SDC1: variants seen among roughly 807,000 people sequenced by gnomAD.
The protein encoded by SDC1 is syndecan-1.
Under a neutral mutation model 29.7 loss-of-function variants are expected in SDC1, and 14 were observed. The ratio of observed to expected loss-of-function variants is 0.47; its 90% CI spans 0.31 to 0.74. The LOEUF is 0.74. SDC1 is among the 30% of genes least tolerant of loss of function. SDC1 has a pLI of 0.05. For missense variants in SDC1, 406 were observed against 400.3 expected, an observed-to-expected ratio of 1.01 and a Z score of -0.12; for synonymous variants, 204 against 175.5, an observed-to-expected ratio of 1.16 and a Z score of -1.29.
At chr2:20,218,260 C>A (rs1475751570) in intron 1 of SDC1, among the ~76,000 whole-genome samples, 4 of 152,324 alleles carry the variant, frequency 2.6e-5, no homozygotes, top group African/African-American at 9.6e-5. Flanking sequence ...GACCTGACTG[C>A]CCGTCTCTGT....
intron 1 of SDC1, chr2:20,223,423 T>TC (rs1182482736): frequency 2.0e-6 from 1 of 511,998 alleles, no homozygotes; most frequent in Non-Finnish European, 3.4e-6. Context: ...CCCCGCCCCT[T>TC]CCCTGCCCAC....
chr2:20,208,741 C>T (rs1418078370), intron 1 of SDC1, among the ~76,000 whole-genome samples: 4 of 152,182 alleles, frequency 2.6e-5, no homozygotes, highest in Non-Finnish European at 5.9e-5. Flanking sequence ...GGCCACGGCT[C>T]AAGGCTGCTC....
At chr2:20,205,484 G>T in intron 1 of SDC1, 60 bp from the exon 2 acceptor site, 1 of 1,403,814 alleles carries the variant, frequency 7.1e-7, no homozygotes, top group Non-Finnish European at 1.0e-6. Context: ...GCTGCTCCTG[G>T]GTCCTCTCCT....
chr2:20,204,211 A>G lies in SDC1; in HGVS notation c.229T>C (p.Ser77Pro). 6.3e-7 allele frequency: 1 copy of G among 1,597,906 alleles called. No individual in the cohort carries two copies. The highest frequency in any genetic ancestry group is 8.5e-7 in the Non-Finnish European group (1 of 1,179,204). ...DTQLLTAIPT[S>P]PEPTGLEATA... ...GCCTCCAGGCCGGTGGGTTCTGGAG[A>G]CGTGGGAATAGCCGTCAGGAGCTGC... is the stretch of plus-strand genomic sequence containing the variant. Residue 77 changes from serine to proline, a missense_variant, in exon 3 of 5, where the codon TCT becomes CCT. Physicochemically the swap from Ser to Pro is moderately conservative, Grantham distance 74 (BLOSUM62 -1). Transcript: ENST00000254351.
At chr2:20,206,243 G>A (rs1418641375) in intron 1 of SDC1, among the ~76,000 whole-genome samples, 1 of 152,150 alleles carries the variant, frequency 6.6e-6, no homozygotes, top group Admixed American at 6.5e-5. Context: ...CCTGGGACGG[G>A]CCCTGCTGGC....
At chr2:20,221,749 C>T (rs1373071787) in intron 1 of SDC1, among the ~76,000 whole-genome samples, 1 of 152,176 alleles carries the variant, frequency 6.6e-6, no homozygotes, top group African/African-American at 2.4e-5. Context: ...AGGCTCTCTC[C>T]TTTCTTACTG....
chr2:20,213,427 A>G (rs985872328), intron 1 of SDC1, among the ~76,000 whole-genome samples: 6 of 151,266 alleles, frequency 4.0e-5, no homozygotes, highest in Non-Finnish European at 8.8e-5. Context: ...CTCGCCAAAC[A>G]CCCCCCACTT....
At chr2:20,223,827 T>C (rs906884823) in intron 1 of SDC1, among the ~76,000 whole-genome samples, 8 of 152,288 alleles carry the variant, frequency 5.3e-5, no homozygotes, top group Admixed American at 2.6e-4. Flanking sequence ...GGCTGCTCTT[T>C]GTCGGCCACG....
intron 1 of SDC1, among the ~76,000 whole-genome samples, chr2:20,205,914 G>A (rs1288795149): frequency 6.6e-6 from 1 of 152,222 alleles, no homozygotes; most frequent in East Asian, 1.9e-4. Flanking sequence ...CAACCTGGGT[G>A]CAGAGGCAGC....
chr2:20,224,992 G>C lies in SDC1; in HGVS notation c.-125C>G. The C allele has an allele frequency of 8.8e-7, 1 of 1,135,692 alleles. No homozygotes were observed. Among genetic ancestry groups the C allele is most frequent in the Non-Finnish European group, 1.1e-6 (1 of 917,780 alleles). The allele number at this position is 1,135,692 out of a possible 1,614,324, so 70.4% of individuals were successfully genotyped here. On this transcript the variant is annotated 5_prime_UTR_variant, in exon 1 of 5. Transcript: ENST00000254351. The surrounding 1 kb of genome is among the most constrained non-coding windows in gnomAD (Gnocchi z 4.9). The stretch of plus-strand genomic sequence containing the variant: ...CCAGCGCGCCGCTGTCCCAGGCGAG[G>C]GCTGCAGGGTCCGCCGGCTGGAGTC...
At chr2:20,213,368 A>G (rs1014808591) in intron 1 of SDC1, among the ~76,000 whole-genome samples, 58 of 152,366 alleles carry the variant, frequency 3.8e-4, no homozygotes, top group Non-Finnish European at 6.3e-4. Context: ...CTGCAGCCTC[A>G]GTGCCTAGTT....
chr2:20,206,946 T>C (rs938012709), intron 1 of SDC1, among the ~76,000 whole-genome samples: 1 of 152,200 alleles, frequency 6.6e-6, no homozygotes, highest in Non-Finnish European at 1.5e-5. Context: ...TAAAGTTTCA[T>C]GAGAAGACGG....
At position 20,223,478 on chromosome 2, in the gene SDC1, T is replaced by C. The variant is rs374635105; in HGVS notation, c.66+1324A>G. ...CTGGGGAAGTCGAACTGTCCAGATG[T>C]AGTGGCGAGACACCGCCACTTCCGG... On this transcript the variant is annotated intron_variant, in intron 1 of 4. Transcript: ENST00000254351. 5.6e-5 allele frequency: 19 copies of C among 339,110 alleles called. No homozygotes were observed. In the East Asian group the frequency reaches 1.3e-3, roughly 23 times the overall value. 21.0% of individuals were successfully genotyped at this position (339,110 alleles called of 1,614,324 possible). A position where few individuals can be genotyped will look rare whatever the true frequency, so the allele number is the denominator to read the frequency against.
At chr2:20,216,255 T>C (rs1677623444) in intron 1 of SDC1, among the ~76,000 whole-genome samples, 1 of 152,158 alleles carries the variant, frequency 6.6e-6, no homozygotes, top group South Asian at 2.1e-4. Context: ...GGGCAGGGCC[T>C]GAAGATCTCA....
intron 3 of SDC1, among the ~76,000 whole-genome samples, chr2:20,203,549 C>G (rs1677120453): frequency 6.6e-6 from 1 of 152,268 alleles, no homozygotes; most frequent in Non-Finnish European, 1.5e-5. Context: ...ATAACGTTCA[C>G]TCTTGCAGCA....
chr2:20,212,993 G>A (rs561750310), intron 1 of SDC1, among the ~76,000 whole-genome samples: 8 of 152,328 alleles, frequency 5.3e-5, no homozygotes, highest in Admixed American at 3.3e-4. Context: ...TGAGGTCAAG[G>A]TCGCAGAGCC....
At chr2:20,215,639 CAT>C (rs1252631719) in intron 1 of SDC1, among the ~76,000 whole-genome samples, 1 of 152,238 alleles carries the variant, frequency 6.6e-6, no homozygotes, top group Non-Finnish European at 1.5e-5. Flanking sequence ...AATCATATCA[CAT>C]ATGGTATTTC....
chr2:20,223,429 CCCACGTGCCTCCCTTTG>C, intron 1 of SDC1: 1 of 475,020 alleles, frequency 2.1e-6, no homozygotes, highest in Non-Finnish European at 3.8e-6. Context: ...CCCTTCCCTG[CCCACGTGCCTCCCTTTG>C]CCAGAGCTGG....
At position 20,224,804 on chromosome 2, in the gene SDC1, G is replaced by A. The variant is rs997635293; in HGVS notation, c.64C>T (p.Pro22Ser). ...GCCTGGCCGCCGGCCGCACTCACCG[G>A]CAGGGCCGGCTGCAGGCTCAGCGCC... ...ALALSLQPAL[P>S]QIVATNLPPE... Residue 22 changes from proline to serine, a missense_variant and splice_region_variant, in exon 1 of 5, where the codon CCG becomes TCG. Physicochemically the swap from Pro to Ser is moderately conservative, Grantham distance 74. Transcript: ENST00000254351. This position sits in a 1 kb window ranked among gnomAD's most constrained non-coding sequence, Gnocchi z 4.9. The A allele has an allele frequency of 1.5e-6, 2 of 1,303,596 alleles. No homozygotes were observed. Among genetic ancestry groups the A allele is most frequent in the African/African-American group, 1.5e-5 (1 of 64,766 alleles). The allele number at this position is 1,303,596 out of a possible 1,614,324, so 80.8% of individuals were successfully genotyped here. A position where few individuals can be genotyped will look rare whatever the true frequency, so the allele number is the denominator to read the frequency against.
Sources: allele counts gnomAD v4.1 joint callset (sites outside exome capture counted in the v4.1 genomes callset), GRCh38; gene constraint gnomAD v4.1.1; non-coding constraint Gnocchi (gnomAD v3.1); transcripts MANE v1.5; gene names NCBI Gene and HGNC (gene_info 2026-07-23, HGNC 2026-07-21).